The following FGF14 variants were observed in gnomAD, a reference collection of about 807,000 sequenced individuals.
FGF14 encodes fibroblast growth factor homologous factor 4.
Under a neutral mutation model 25.5 loss-of-function variants are expected in FGF14, and 5 were observed. The ratio of observed to expected loss-of-function variants is 0.20; its 90% CI spans 0.10 to 0.41. FGF14 has a LOEUF of 0.41. FGF14 is among the 10% of genes least tolerant of loss of function. FGF14 has a pLI of 1.00. For synonymous variants in FGF14, 138 were observed against 118.3 expected, an observed-to-expected ratio of 1.17 and a Z score of -1.08; for missense variants, 222 against 320.1, an observed-to-expected ratio of 0.69 and a Z score of 2.34.
intron 1 of FGF14, among the ~76,000 whole-genome samples, chr13:101,901,481 G>A (rs777703082): frequency 7.9e-5 from 12 of 152,062 alleles, no homozygotes; most frequent in Non-Finnish European, 1.8e-4. Flanking sequence ...GGGCGGGTGG[G>A]TCACCTGAGG....
At chr13:102,034,842 C>T (rs906017066) in intron 1 of FGF14, among the ~76,000 whole-genome samples, 1 of 151,940 alleles carries the variant, frequency 6.6e-6, no homozygotes, top group East Asian at 1.9e-4. Flanking sequence ...AATGTATGGC[C>T]CCAGACTCTC....
chr13:102,160,739 G>A (rs2047585524), intron 1 of FGF14, among the ~76,000 whole-genome samples: 1 of 152,058 alleles, frequency 6.6e-6, no homozygotes. Context: ...ATAGGATAAA[G>A]GAGAATTCCA....
In FGF14 at chr13:102,061,064, C is replaced by T. The variant is rs187274805; in HGVS notation, c.209-185768G>A. On this transcript the variant is annotated intron_variant, in intron 1 of 4. Transcript: ENST00000376131. ...CAGCCGGACTCCAGGAGAAGAACACCTTCCCATTCCATCCCCATGCTGGCT... is the reference window on the plus strand; with the variant it reads ...CAGCCGGACTCCAGGAGAAGAACACTTTCCCATTCCATCCCCATGCTGGCT... 1.3e-3 allele frequency among the ~76,000 whole-genome samples: 197 copies of T among 152,278 alleles called. 3 individuals carry two copies. The highest frequency in any genetic ancestry group is 4.5e-3 in the African/African-American group (188 of 41,558).
intron 1 of FGF14, among the ~76,000 whole-genome samples, chr13:102,172,864 C>T (rs993484472): frequency 3.3e-5 from 5 of 152,142 alleles, no homozygotes; most frequent in Admixed American, 6.6e-5. Context: ...GGTTAACCTA[C>T]CACATGATAC....
intron 1 of FGF14, among the ~76,000 whole-genome samples, chr13:101,980,775 A>C (rs1381005425): frequency 6.6e-6 from 1 of 152,222 alleles, no homozygotes; most frequent in Non-Finnish European, 1.5e-5. Context: ...GACAGAATGC[A>C]GAAGGAATAG....
intron 1 of FGF14, among the ~76,000 whole-genome samples, chr13:102,232,304 A>C (rs111653430): frequency 5.0e-5 from 1 of 19,974 alleles, no homozygotes; most frequent in Non-Finnish European, 7.3e-5. Context: ...AAAACTAAAA[A>C]TAACTTTCAC....
intron 1 of FGF14, among the ~76,000 whole-genome samples, chr13:101,889,358 T>A (rs1022977344): frequency 2.6e-5 from 4 of 152,100 alleles, no homozygotes; most frequent in African/African-American, 9.7e-5. Context: ...CCCAGGATAG[T>A]TTTTGCCTTT....
At chr13:101,875,713 TA>T (rs759878872) in intron 1 of FGF14, among the ~76,000 whole-genome samples, 8 of 151,978 alleles carry the variant, frequency 5.3e-5, no homozygotes, top group Admixed American at 3.9e-4. Context: ...TCCTTTTACT[TA>T]AGTTGACAAG....
chr13:102,286,795 A>G (rs1408967823), intron 1 of FGF14, among the ~76,000 whole-genome samples: 2 of 152,196 alleles, frequency 1.3e-5, no homozygotes, highest in Non-Finnish European at 2.9e-5. Context: ...TATGTGTCAA[A>G]GGCACTTTGT....
At position 102,389,063 on chromosome 13, in the gene FGF14, A is replaced by G. The variant is rs546155390; in HGVS notation, c.208+12408T>C. On this transcript the variant is annotated intron_variant, in intron 1 of 4. Coordinates refer to the FGF14 transcript ENST00000376131. ...TTATCTCTCCTACCAATAGAAACAC[A>G]CATTCAAGAGTCAACTTAGGTCATG... is the stretch of plus-strand genomic sequence containing the variant. 2.0e-5 allele frequency among the ~76,000 whole-genome samples: 3 copies of G among 152,260 alleles called. No homozygotes were observed. In the South Asian group the frequency reaches 6.2e-4, roughly 32 times the overall value.
chr13:101,780,796 G>A (rs1210713739), intron 3 of FGF14, among the ~76,000 whole-genome samples: 1 of 152,092 alleles, frequency 6.6e-6, no homozygotes, highest in African/African-American at 2.4e-5. Context: ...ATGGGGAAGG[G>A]GAGATCAGGG....
At chr13:102,233,144 G>C (rs529161901) in intron 1 of FGF14, among the ~76,000 whole-genome samples, 2 of 152,034 alleles carry the variant, frequency 1.3e-5, no homozygotes, top group South Asian at 4.2e-4. Context: ...TGTTGTTGTT[G>C]TTGTTTTGAG....
intron 1 of FGF14, among the ~76,000 whole-genome samples, chr13:102,216,223 G>A (rs1045897930): frequency 4.6e-5 from 7 of 152,160 alleles, no homozygotes; most frequent in Admixed American, 3.3e-4. Context: ...CCTCTGAGTA[G>A]CTCTGAGATA....
intron 1 of FGF14, among the ~76,000 whole-genome samples, chr13:102,097,932 A>C (rs2044478570): frequency 6.6e-6 from 1 of 152,220 alleles, no homozygotes; most frequent in African/African-American, 2.4e-5. Context: ...CACCATCAGC[A>C]GTCAACCCGA....
chr13:102,244,406 T>C (rs2051753991), intron 1 of FGF14, among the ~76,000 whole-genome samples: 1 of 151,876 alleles, frequency 6.6e-6, no homozygotes, highest in Non-Finnish European at 1.5e-5. Context: ...TTTTGACCAA[T>C]TCACACACAA....
chr13:102,229,656 G>A (rs984112132), intron 1 of FGF14, among the ~76,000 whole-genome samples: 1 of 152,140 alleles, frequency 6.6e-6, no homozygotes, highest in African/African-American at 2.4e-5. Flanking sequence ...GCCTCCTCTT[G>A]TGGATTCTCC....
intron 1 of FGF14, among the ~76,000 whole-genome samples, chr13:102,336,991 T>C (rs2056807073): frequency 6.6e-6 from 1 of 152,184 alleles, no homozygotes; most frequent in South Asian, 2.1e-4. Flanking sequence ...AAAGCCTTGA[T>C]GGAGATTGTA....
chr13:102,051,587 T>C (rs1173372724), intron 1 of FGF14, among the ~76,000 whole-genome samples: 1 of 152,202 alleles, frequency 6.6e-6, no homozygotes, highest in Non-Finnish European at 1.5e-5. Context: ...ACCCTACCAG[T>C]GCTCACTACC....
At chr13:101,876,858 G>C (rs1024351185) in intron 1 of FGF14, among the ~76,000 whole-genome samples, 1 of 152,094 alleles carries the variant, frequency 6.6e-6, no homozygotes, top group African/African-American at 2.4e-5. Context: ...ACTGGGCTAA[G>C]TACTAAAGAC....
Sources: gnomAD v4.1 joint callset for allele counts (sites outside exome capture counted in the v4.1 genomes callset) on GRCh38, gnomAD v4.1.1 for gene constraint, MANE v1.5 for transcripts, NCBI Gene and HGNC (gene_info 2026-07-23, HGNC 2026-07-21) for gene names.